SATB2: variants seen among roughly 807,000 people sequenced by gnomAD.
The protein encoded by SATB2 is SATB homeobox 2, also known as DNA-binding protein SATB2.
SATB2 carries 1 observed loss-of-function variant against 73.4 expected under a neutral mutation model. That is an observed-to-expected ratio of 0.01 (90% CI 0.00 to 0.06). SATB2 has a LOEUF of 0.06. Among genes scored for constraint, SATB2 ranks in the 10% least tolerant of loss-of-function variants. The pLI, the probability that SATB2 is intolerant of heterozygous loss-of-function variation, is 1.00. For synonymous variants in SATB2, 397 were observed against 367.0 expected, an observed-to-expected ratio of 1.08 and a Z score of -0.93; for missense variants, 459 against 945.8, an observed-to-expected ratio of 0.49 and a Z score of 6.75.
chr2:199,456,103 A>T lies in SATB2; in HGVS notation c.-59-7T>A. On this transcript the variant is annotated splice_polypyrimidine_tract_variant and splice_region_variant and intron_variant, in intron 1 of 10. Transcript: ENST00000417098. ...CAATAAAACGCACAGGGACCTAGGGAGGGGGTGGGGGGAGGAAGGGGGAGG... is the reference window on the plus strand; with the variant it reads ...CAATAAAACGCACAGGGACCTAGGGTGGGGGTGGGGGGAGGAAGGGGGAGG... 142 of 83,704 alleles carry T rather than the reference A, an allele frequency of 1.7e-3. No homozygotes were observed. Among genetic ancestry groups the T allele is most frequent in the East Asian group, 3.6e-3 (7 of 1,918 alleles). 5.2% of individuals were successfully genotyped at this position (83,704 alleles called of 1,614,324 possible). A position where few individuals can be genotyped will look rare whatever the true frequency, so the allele number is the denominator to read the frequency against.
intron 3 of SATB2, among the ~76,000 whole-genome samples, chr2:199,398,478 G>C (rs1690370481): frequency 6.6e-6 from 1 of 152,036 alleles, no homozygotes; most frequent in Admixed American, 6.6e-5. Context: ...CAATTTATAG[G>C]GTCCTGGGTG....
At chr2:199,414,669 C>G (rs963657786) in intron 3 of SATB2, among the ~76,000 whole-genome samples, 3 of 152,148 alleles carry the variant, frequency 2.0e-5, no homozygotes, top group African/African-American at 7.2e-5. Context: ...TGTCAAAGCG[C>G]TCACTCAAGA....
chr2:199,333,920 C>T (rs1688262151), intron 7 of SATB2, among the ~76,000 whole-genome samples: 1 of 152,108 alleles, frequency 6.6e-6, no homozygotes, highest in Admixed American at 6.6e-5. Flanking sequence ...TAGTACTTCC[C>T]TTTGGAAAAA....
chr2:199,412,475 C>T (rs1418501226), intron 3 of SATB2, among the ~76,000 whole-genome samples: 1 of 152,190 alleles, frequency 6.6e-6, no homozygotes, highest in African/African-American at 2.4e-5. Flanking sequence ...GAACCCCTCA[C>T]CACACGCCCC....
intron 3 of SATB2, among the ~76,000 whole-genome samples, chr2:199,394,910 ATATT>A (rs777906876): frequency 6.6e-6 from 1 of 152,202 alleles, no homozygotes; most frequent in Non-Finnish European, 1.5e-5. Context: ...AAATCAAAAT[ATATT>A]TAGTCACTCA....
intron 2 of SATB2, among the ~76,000 whole-genome samples, chr2:199,445,749 C>T (rs978603620): frequency 3.3e-5 from 5 of 152,096 alleles, no homozygotes; most frequent in African/African-American, 1.2e-4. Flanking sequence ...TCTTCTTATA[C>T]TCCGTCGATA....
intron 5 of SATB2, among the ~76,000 whole-genome samples, chr2:199,372,433 T>G (rs1386106156): frequency 1.3e-5 from 2 of 152,198 alleles, no homozygotes; most frequent in African/African-American, 2.4e-5. Flanking sequence ...AAAATAGATT[T>G]TCTTTTAGGT....
intron 7 of SATB2, 32 bp downstream of exon 7, chr2:199,348,669 C>T (rs920808319): frequency 2.0e-6 from 3 of 1,474,406 alleles, no homozygotes; most frequent in African/African-American, 2.8e-5. Context: ...CCCAGTATTA[C>T]TGTTAATTAC....
At chr2:199,280,483 G>A (rs1266122703) in intron 10 of SATB2, among the ~76,000 whole-genome samples, 2 of 152,194 alleles carry the variant, frequency 1.3e-5, no homozygotes, top group Non-Finnish European at 2.9e-5. Flanking sequence ...GCGGAACAGA[G>A]CCATATTTCT....
At chr2:199,412,868 GCTAA>G (rs1417875033) in intron 3 of SATB2, among the ~76,000 whole-genome samples, 5 of 152,290 alleles carry the variant, frequency 3.3e-5, no homozygotes, top group African/African-American at 1.2e-4. Context: ...GGAGAATGTA[GCTAA>G]CTATTTATCA....
chr2:199,376,766 A>G (rs1689617613), intron 5 of SATB2, among the ~76,000 whole-genome samples: 1 of 152,164 alleles, frequency 6.6e-6, no homozygotes, highest in Non-Finnish European at 1.5e-5. Flanking sequence ...GGTTATTTAC[A>G]AAGGCTACTA....
chr2:199,417,302 ACATT>A (rs1691023893), intron 3 of SATB2, among the ~76,000 whole-genome samples: 1 of 152,158 alleles, frequency 6.6e-6, no homozygotes, highest in African/African-American at 2.4e-5. Flanking sequence ...AGTTCTCATT[ACATT>A]CAAATTTTCC....
Position 199,353,903 on chromosome 2 carries a change from G to A in SATB2, c.701-4730C>T, listed in dbSNP as rs138117890. 3.3e-5 allele frequency among the ~76,000 whole-genome samples: 5 copies of A among 152,284 alleles called. No individual in the cohort carries two copies. The East Asian group carries it at 9.7e-4, about 29-fold the overall frequency. ...ACCAAAGACATCACCTTGGCCCTAA[G>A]GGCCATCTTATCCCTGCAGTATTTA... On this transcript the variant is annotated intron_variant, in intron 6 of 10. Transcript: ENST00000417098.
At chr2:199,447,607 C>CTACCTG (rs1261074386) in intron 2 of SATB2, among the ~76,000 whole-genome samples, 2 of 152,098 alleles carry the variant, frequency 1.3e-5, no homozygotes, top group African/African-American at 4.8e-5. Flanking sequence ...AGTTCCACCT[C>CTACCTG]AGGTAGAATT....
At chr2:199,294,948 A>G (rs1413910031) in intron 10 of SATB2, among the ~76,000 whole-genome samples, 2 of 152,134 alleles carry the variant, frequency 1.3e-5, no homozygotes, top group Non-Finnish European at 2.9e-5. Flanking sequence ...TATCATATCT[A>G]AAAAATAACT....
intron 5 of SATB2, among the ~76,000 whole-genome samples, chr2:199,376,345 T>A (rs1689605117): frequency 1.3e-5 from 2 of 152,346 alleles, no homozygotes; most frequent in South Asian, 4.1e-4. Flanking sequence ...AAACTTTACA[T>A]ACTAATAAAA....
intron 3 of SATB2, among the ~76,000 whole-genome samples, chr2:199,424,497 C>G (rs746926982): frequency 3.3e-5 from 5 of 152,128 alleles, no homozygotes; most frequent in Non-Finnish European, 7.4e-5. Flanking sequence ...ACACTTAATA[C>G]TACAGAAATA....
At chr2:199,287,567 A>T (rs1333288023) in intron 10 of SATB2, among the ~76,000 whole-genome samples, 1 of 151,882 alleles carries the variant, frequency 6.6e-6, no homozygotes, top group African/African-American at 2.4e-5. Context: ...AGAAACAAGG[A>T]TAATATGGAG....
intron 10 of SATB2, among the ~76,000 whole-genome samples, chr2:199,301,998 T>C (rs775031566): frequency 6.6e-6 from 1 of 152,196 alleles, no homozygotes; most frequent in Non-Finnish European, 1.5e-5. Context: ...TGGATTTTCA[T>C]GAAGTTCTAG....
Sources: gnomAD v4.1 joint callset for allele counts (sites outside exome capture counted in the v4.1 genomes callset) on GRCh38, gnomAD v4.1.1 for gene constraint, MANE v1.5 for transcripts, NCBI Gene and HGNC (gene_info 2026-07-23, HGNC 2026-07-21) for gene names.